Variants in VMP1 observed in about 807,000 individuals in gnomAD.
VMP1 encodes the protein ectopic P-granules autophagy protein 3 homolog.
A neutral mutation model predicts 56.0 loss-of-function variants in VMP1; 11 were observed. The observed-to-expected ratio is 0.20, with a 90% confidence interval of 0.12 to 0.32. VMP1 has a LOEUF of 0.32. Ranked by LOEUF, VMP1 falls within the 10% of genes least tolerant of loss-of-function variation. The pLI is 1.00. For synonymous variants in VMP1, 149 were observed against 165.0 expected (o/e 0.90, Z 0.74); for missense variants, 296 against 490.3 (o/e 0.60, Z 3.74).
At chr17:59,762,113 T>A (rs1453825297) in intron 5 of VMP1, among the ~76,000 whole-genome samples, 5 of 152,182 alleles carry the variant, frequency 3.3e-5, no homozygotes, top group Non-Finnish European at 7.3e-5. Flanking sequence ...GTCCCATATA[T>A]TTTGTCCAGT....
intron 5 of VMP1, among the ~76,000 whole-genome samples, chr17:59,758,651 C>A (rs1178656963): frequency 6.6e-6 from 1 of 151,448 alleles, no homozygotes; most frequent in Non-Finnish European, 1.5e-5. Context: ...ATAGGGGGAC[C>A]CATCTCTAAA....
At chr17:59,808,647 T>C (rs1348479014) in intron 7 of VMP1, 149 bp from the exon 8 acceptor site, 2 of 614,052 alleles carry the variant, frequency 3.3e-6, no homozygotes, top group East Asian at 2.8e-5. Context: ...TTACTTGTGT[T>C]TCAGTGAACA....
intron 9 of VMP1, among the ~76,000 whole-genome samples, chr17:59,815,873 AAAAG>A (rs1476066278): frequency 6.9e-6 from 1 of 145,044 alleles, no homozygotes; most frequent in African/African-American, 2.5e-5. Context: ...AAAAAAAAAA[AAAAG>A]ATTCTTCTTT....
chr17:59,827,708 T>A (rs889839840), intron 10 of VMP1, among the ~76,000 whole-genome samples: 22 of 151,934 alleles, frequency 1.4e-4, no homozygotes, highest in African/African-American at 5.3e-4. Flanking sequence ...ATCTTAGAAC[T>A]TTGGGAGGCT....
intron 7 of VMP1, among the ~76,000 whole-genome samples, chr17:59,796,101 C>T (rs2037429893): frequency 6.6e-6 from 1 of 152,158 alleles, no homozygotes; most frequent in African/African-American, 2.4e-5. Context: ...CTTCTTTCAT[C>T]TTCCCTTTTA....
intron 1 of VMP1, among the ~76,000 whole-genome samples, chr17:59,715,942 G>A (rs2034134604): frequency 6.6e-6 from 1 of 151,936 alleles, no homozygotes; most frequent in African/African-American, 2.4e-5. Context: ...GTGTTATTTA[G>A]GACTGTGTGC....
chr17:59,742,192 G>T (rs549612841), intron 5 of VMP1, among the ~76,000 whole-genome samples: 10 of 151,978 alleles, frequency 6.6e-5, no homozygotes, highest in Admixed American at 5.9e-4. Flanking sequence ...GACTGAGAAC[G>T]CCTACAAAAC....
At chr17:59,816,312 A>G (rs2038229445) in intron 9 of VMP1, among the ~76,000 whole-genome samples, 1 of 152,266 alleles carries the variant, frequency 6.6e-6, no homozygotes, top group Non-Finnish European at 1.5e-5. Flanking sequence ...GATTAATAAA[A>G]GATTTATAGC....
intron 7 of VMP1, among the ~76,000 whole-genome samples, chr17:59,782,598 C>T (rs16943862): frequency 0.037 from 5,615 of 152,082 alleles, 376 homozygotes; most frequent in African/African-American, 0.13. Flanking sequence ...GGGATCTGCT[C>T]GTAGATAACA....
intron 7 of VMP1, among the ~76,000 whole-genome samples, chr17:59,786,917 C>T (rs1555621714): frequency 3.9e-5 from 6 of 152,138 alleles, no homozygotes; most frequent in Non-Finnish European, 5.9e-5. Context: ...TCATTAAAGG[C>T]GTTGTCAAAA....
Position 59,808,889 on chromosome 17 carries a change from T to C in VMP1, c.795+13T>C, listed in dbSNP as rs1159425900. ...GGCCTGTGCTTCAGTAAGTGAATTG[T>C]ATTAAAACAGAACTTTTACTAAGTG... On this transcript the variant is annotated intron_variant, in intron 8 of 11. Transcript: ENST00000262291. The C allele has an allele frequency of 5.0e-6, 8 of 1,609,230 alleles. No individual in the cohort carries two copies. The highest frequency in any genetic ancestry group is 6.8e-6 in the Non-Finnish European group (8 of 1,176,030).
chr17:59,801,093 T>A (rs12938950), intron 7 of VMP1, among the ~76,000 whole-genome samples: 23,573 of 58,210 alleles, frequency 0.4, 3,121 homozygotes, highest in Non-Finnish European at 0.43. Flanking sequence ...AAAAAAAAAA[T>A]ATATATATAT....
At chr17:59,802,291 A>G (rs1030122553) in intron 7 of VMP1, among the ~76,000 whole-genome samples, 8 of 152,000 alleles carry the variant, frequency 5.3e-5, no homozygotes, top group Non-Finnish European at 4.4e-5. Flanking sequence ...CATTTAGTAC[A>G]GTAACAGGTT....
intron 7 of VMP1, among the ~76,000 whole-genome samples, chr17:59,798,818 A>G (rs936319622): frequency 8.5e-5 from 13 of 152,200 alleles, no homozygotes; most frequent in Admixed American, 7.9e-4. Flanking sequence ...CCCAGGAGGC[A>G]GAGGTTGCAG....
chr17:59,789,374 A>C (rs1055571301), intron 7 of VMP1, among the ~76,000 whole-genome samples: 5 of 151,528 alleles, frequency 3.3e-5, no homozygotes, highest in Non-Finnish European at 5.9e-5. Context: ...ATCTCTACTA[A>C]AAATACAAAA....
intron 1 of VMP1, among the ~76,000 whole-genome samples, chr17:59,711,219 G>A (rs1034236108): frequency 6.6e-6 from 1 of 150,946 alleles, no homozygotes; most frequent in Non-Finnish European, 1.5e-5. Flanking sequence ...CATTTCTCTA[G>A]TTATTTTATT....
At chr17:59,713,764 T>C (rs1158410518) in intron 1 of VMP1, among the ~76,000 whole-genome samples, 1 of 149,158 alleles carries the variant, frequency 6.7e-6, no homozygotes, top group African/African-American at 2.5e-5. Flanking sequence ...ATCTTAGGGC[T>C]GGGCACAATG....
At chr17:59,768,090 A>G (rs2036293698) in intron 6 of VMP1, among the ~76,000 whole-genome samples, 1 of 150,486 alleles carries the variant, frequency 6.6e-6, no homozygotes, top group Non-Finnish European at 1.5e-5. Context: ...AGCCTGTGCA[A>G]CACAGCGAGA....
intron 1 of VMP1, chr17:59,729,632 T>C (rs1598301913): frequency 6.6e-6 from 1 of 152,014 alleles, no homozygotes; most frequent in Non-Finnish European, 1.5e-5. Flanking sequence ...CACCAGCAGT[T>C]CCGATTTCTC....
Sources: gnomAD v4.1 joint callset for allele counts (sites outside exome capture counted in the v4.1 genomes callset) on GRCh38, gnomAD v4.1.1 for gene constraint, MANE v1.5 for transcripts, NCBI Gene and HGNC (gene_info 2026-07-23, HGNC 2026-07-21) for gene names.